FBXL13: variants seen among roughly 807,000 people sequenced by gnomAD.
FBXL13 encodes the protein F-box and leucine rich repeat protein 13.
FBXL13 carries 67 observed loss-of-function variants against 83.6 expected under a neutral mutation model. The ratio of observed to expected loss-of-function variants is 0.80; its 90% confidence interval spans 0.66 to 0.98. The LOEUF (loss-of-function observed/expected upper bound fraction) is 0.98, where lower values mean the gene tolerates loss of function less well. FBXL13 is among the 50% of genes least tolerant of loss of function. The pLI is 0.00. For synonymous variants in FBXL13, 272 were observed against 299.5 expected (o/e 0.91, Z 0.95); for missense variants, 822 against 866.5 (o/e 0.95, Z 0.64).
At chr7:102,912,067 C>T (rs1168407427) in intron 11 of FBXL13, among the ~76,000 whole-genome samples, 1 of 152,188 alleles carries the variant, frequency 6.6e-6, no homozygotes. Context: ...GGGAACTCTG[C>T]CTGCCCCAGT....
intron 10 of FBXL13, among the ~76,000 whole-genome samples, chr7:102,917,130 T>C (rs1584926003): frequency 6.6e-6 from 1 of 152,332 alleles, no homozygotes; most frequent in South Asian, 2.1e-4. Flanking sequence ...TTTCAAGTAA[T>C]AGAATTCTGC....
intron 17 of FBXL13, among the ~76,000 whole-genome samples, chr7:102,847,208 A>G (rs1222210733): frequency 2.9e-5 from 4 of 136,202 alleles, no homozygotes; most frequent in Admixed American, 7.9e-5. Context: ...ACTTTACAGG[A>G]AAAAAAAAAA....
intron 2 of FBXL13, among the ~76,000 whole-genome samples, chr7:103,038,904 G>T (rs1795364808): frequency 6.6e-6 from 1 of 152,134 alleles, no homozygotes. Flanking sequence ...AAGACACAGG[G>T]CCTATTCTCT....
chr7:102,822,136 C>T (rs771283682), exon 19 of FBXL13: 4 of 1,614,162 alleles, frequency 2.5e-6, no homozygotes, highest in Non-Finnish European at 3.4e-6. Context: ...CAAGACACAA[C>T]CAGAGATATC....
At chr7:102,944,456 A>T in intron 8 of FBXL13, 1 of 1,614,128 alleles carries the variant, frequency 6.2e-7, no homozygotes. Flanking sequence ...GTGGGAAAAT[A>T]TATTAGAAGT....
At chr7:102,944,422 C>T (rs755051372) in intron 8 of FBXL13, 2 of 1,613,804 alleles carry the variant, frequency 1.2e-6, no homozygotes, top group Non-Finnish European at 8.5e-7. Flanking sequence ...ATGCAAAACG[C>T]CTGAAGAATA....
At chr7:103,062,338 T>C (rs770892459) in intron 1 of FBXL13, among the ~76,000 whole-genome samples, 1 of 152,214 alleles carries the variant, frequency 6.6e-6, no homozygotes, top group Non-Finnish European at 1.5e-5. Context: ...GGTTTCTATG[T>C]TATTTCTGGA....
chr7:102,878,341 G>A, exon 15 of FBXL13: 1 of 1,602,782 alleles, frequency 6.2e-7, no homozygotes, highest in East Asian at 2.3e-5. Flanking sequence ...CGCTCAGATA[G>A]TTTCATAACA....
At chr7:103,061,779 A>G (rs1286348090) in intron 1 of FBXL13, among the ~76,000 whole-genome samples, 1 of 152,044 alleles carries the variant, frequency 6.6e-6, no homozygotes, top group Non-Finnish European at 1.5e-5. Context: ...TCTACTAAAA[A>G]TACAAAAAAT....
At position 102,855,430 on chromosome 7, in the gene FBXL13, C is replaced by G. The variant is rs115838302; in HGVS notation, c.1636-570G>C. Among the ~76,000 whole-genome samples the G allele has an allele frequency of 4.5e-3, 683 of 152,160 alleles. 8 individuals are homozygous for G. Among genetic ancestry groups the G allele is most frequent in the African/African-American group, 0.015 (631 of 41,526 alleles). On this transcript the variant is annotated intron_variant, in intron 16 of 19. Coordinates refer to ENST00000313221, the Ensembl canonical transcript of FBXL13. Reference sequence around the variant, plus strand: ...AATTTAAAAAAAGAGATTGCACTTTCAGCCATAATTTTTTTTATGTGTGCT... The same window carrying G: ...AATTTAAAAAAAGAGATTGCACTTTGAGCCATAATTTTTTTTATGTGTGCT...
At chr7:103,004,418 G>A (rs1375156633) in intron 6 of FBXL13, among the ~76,000 whole-genome samples, 1 of 152,138 alleles carries the variant, frequency 6.6e-6, no homozygotes, top group East Asian at 1.9e-4. Flanking sequence ...GAGGACCCAT[G>A]GAGTGTGCCT....
intron 6 of FBXL13, among the ~76,000 whole-genome samples, chr7:102,990,671 C>G (rs1020584405): frequency 3.3e-5 from 5 of 152,132 alleles, no homozygotes; most frequent in African/African-American, 1.2e-4. Flanking sequence ...AGAGAGAGGA[C>G]AGAGGATCAA....
chr7:102,826,724 C>CATATATAT lies in FBXL13; in HGVS notation c.1855-4529_1855-4522dup, dbSNP rs58307950. 5.4e-3 allele frequency among the ~76,000 whole-genome samples: 336 copies of CATATATAT among 62,436 alleles called. 2 individuals are homozygous for CATATATAT. Among genetic ancestry groups the CATATATAT allele is most frequent in the Middle Eastern group, 0.011 (1 of 88 alleles). 41.0% of individuals were successfully genotyped at this position (62,436 alleles called of 152,430 possible). A position where few individuals can be genotyped will look rare whatever the true frequency, so the allele number is the denominator to read the frequency against. ...TGGGAGACAGAGTGAGACCCTGTCT[C>CATATATAT]ATATATATATATATATATATATATA... On this transcript the variant is annotated intron_variant, in intron 18 of 19. Coordinates refer to ENST00000313221, the Ensembl canonical transcript of FBXL13.
chr7:102,986,074 A>G lies in FBXL13; in HGVS notation c.496-17957T>C, dbSNP rs77749153. Among the ~76,000 whole-genome samples, 58 of 150,726 alleles carry G rather than the reference A, an allele frequency of 3.8e-4. 1 individual carries two copies. In the East Asian group the frequency reaches 9.6e-3, roughly 25 times the overall value. ...CATCATAGCACTTTCCAAATAATCT[A>G]TTGAAACATTCATTTTTGCCTGTCC... On this transcript the variant is annotated intron_variant, in intron 6 of 19. Coordinates refer to ENST00000313221, the Ensembl canonical transcript of FBXL13.
At chr7:102,815,072 T>A (rs1217065231) in intron 19 of FBXL13, among the ~76,000 whole-genome samples, 1 of 152,174 alleles carries the variant, frequency 6.6e-6, no homozygotes, top group Non-Finnish European at 1.5e-5. Context: ...GCATATAACA[T>A]TAGCACCATC....
intron 11 of FBXL13, among the ~76,000 whole-genome samples, chr7:102,887,698 G>A (rs919315109): frequency 1.3e-5 from 2 of 151,976 alleles, no homozygotes; most frequent in African/African-American, 4.8e-5. Context: ...ATTATAGAGG[G>A]GAGTCCACTT....
At chr7:103,059,103 C>T (rs143985105) in intron 1 of FBXL13, among the ~76,000 whole-genome samples, 115 of 152,176 alleles carry the variant, frequency 7.6e-4, no homozygotes, top group African/African-American at 2.5e-3. Context: ...CTAAAAAATA[C>T]AAAAATTGTT....
At chr7:103,060,308 G>A (rs1797785001) in intron 1 of FBXL13, among the ~76,000 whole-genome samples, 1 of 151,748 alleles carries the variant, frequency 6.6e-6, no homozygotes, top group African/African-American at 2.4e-5. Context: ...CTTCCTCTCA[G>A]CCTCCCAAAG....
chr7:102,847,875 T>C (rs796266766), intron 17 of FBXL13, among the ~76,000 whole-genome samples: 22 of 152,276 alleles, frequency 1.4e-4, no homozygotes, highest in African/African-American at 5.1e-4. Flanking sequence ...CCATCATCTA[T>C]TGGTTTTAGC....
Sources: allele counts gnomAD v4.1 joint callset (sites outside exome capture counted in the v4.1 genomes callset), GRCh38; gene constraint gnomAD v4.1.1; transcripts MANE v1.5; gene names NCBI Gene and HGNC (gene_info 2026-07-23, HGNC 2026-07-21).